Variants in AGBL4 observed in about 807,000 individuals in gnomAD.
The protein encoded by AGBL4 is cytosolic carboxypeptidase 6.
AGBL4 carries 58 observed loss-of-function variants against 66.4 expected under a neutral mutation model. That is an observed-to-expected ratio of 0.87 (90% CI 0.71 to 1.09). AGBL4 has a LOEUF of 1.09. Ranked by LOEUF, AGBL4 falls within the 50% of genes least tolerant of loss-of-function variation. The pLI, the probability that AGBL4 is intolerant of heterozygous loss-of-function variation, is 0.00. For synonymous variants in AGBL4, 234 were observed against 222.9 expected (o/e 1.05, Z -0.44); for missense variants, 579 against 631.0 (o/e 0.92, Z 0.88).
At chr1:48,817,705 C>T (rs1006101843) in intron 6 of AGBL4, 5 of 255,548 alleles carry the variant, frequency 2.0e-5, no homozygotes, top group East Asian at 8.8e-5. Flanking sequence ...TCTTTGCTGC[C>T]CCCACCTGTC....
At chr1:49,006,506 G>A (rs1433125012) in intron 5 of AGBL4, among the ~76,000 whole-genome samples, 1 of 152,210 alleles carries the variant, frequency 6.6e-6, no homozygotes, top group Non-Finnish European at 1.5e-5. Context: ...GGGGAAGCTC[G>A]AACTGGGTGG....
chr1:48,687,761 G>A (rs1488346382), intron 6 of AGBL4, among the ~76,000 whole-genome samples: 1 of 152,194 alleles, frequency 6.6e-6, no homozygotes, highest in Non-Finnish European at 1.5e-5. Context: ...TACACAGGGT[G>A]GTCTGTGGCA....
At chr1:49,465,664 A>G (rs2148705358) in intron 3 of AGBL4, among the ~76,000 whole-genome samples, 1 of 151,944 alleles carries the variant, frequency 6.6e-6, no homozygotes, top group Non-Finnish European at 1.5e-5. Flanking sequence ...AAGCATTCCT[A>G]AGAAGCACTT....
At chr1:49,541,416 C>T (rs1386833526) in intron 3 of AGBL4, among the ~76,000 whole-genome samples, 1 of 152,210 alleles carries the variant, frequency 6.6e-6, no homozygotes, top group East Asian at 1.9e-4. Context: ...TCAGCAGACC[C>T]TGCACTAGGA....
At chr1:48,606,348 T>A (rs1645153736) in intron 9 of AGBL4, among the ~76,000 whole-genome samples, 1 of 152,232 alleles carries the variant, frequency 6.6e-6, no homozygotes. Context: ...TACAGAGAAC[T>A]AAAATTCCTG....
intron 2 of AGBL4, among the ~76,000 whole-genome samples, chr1:49,769,274 G>C (rs1320066484): frequency 6.6e-6 from 1 of 151,836 alleles, no homozygotes. Context: ...ATTTAACCAA[G>C]ATGGTGAAAT....
intron 5 of AGBL4, among the ~76,000 whole-genome samples, chr1:48,986,494 A>G (rs1394242998): frequency 6.6e-6 from 1 of 152,094 alleles, no homozygotes; most frequent in Non-Finnish European, 1.5e-5. Flanking sequence ...AATGCAAGTG[A>G]GATGACAGAG....
At chr1:48,867,065 G>T in intron 6 of AGBL4, 126 bp downstream of exon 6, 2 of 1,067,486 alleles carry the variant, frequency 1.9e-6, no homozygotes, top group Non-Finnish European at 2.8e-6. Context: ...ATCATTCATG[G>T]TGCAAGAGTT....
At chr1:48,749,276 G>A (rs1311071540) in intron 6 of AGBL4, among the ~76,000 whole-genome samples, 1 of 152,096 alleles carries the variant, frequency 6.6e-6, no homozygotes, top group Non-Finnish European at 1.5e-5. Context: ...ACTGTCACGT[G>A]ATTGTTTGTT....
At chr1:49,181,434 G>A (rs1646929283) in intron 4 of AGBL4, among the ~76,000 whole-genome samples, 1 of 152,218 alleles carries the variant, frequency 6.6e-6, no homozygotes, top group African/African-American at 2.4e-5. Flanking sequence ...AGAGAATGGT[G>A]CATTCAGTCA....
chr1:49,195,137 T>C (rs1647203560), intron 4 of AGBL4, among the ~76,000 whole-genome samples: 1 of 152,186 alleles, frequency 6.6e-6, no homozygotes, highest in Admixed American at 6.5e-5. Flanking sequence ...CCACCACACT[T>C]GGCCTCTTTT....
At chr1:49,962,818 C>T (rs1657226918) in intron 1 of AGBL4, among the ~76,000 whole-genome samples, 1 of 151,978 alleles carries the variant, frequency 6.6e-6, no homozygotes, top group Non-Finnish European at 1.5e-5. Flanking sequence ...CTAAAGAGGA[C>T]CTATAAGATC....
chr1:48,807,535 A>T (rs945306289), intron 6 of AGBL4, among the ~76,000 whole-genome samples: 1 of 152,110 alleles, frequency 6.6e-6, no homozygotes, highest in Non-Finnish European at 1.5e-5. Context: ...TGAGAGGTGA[A>T]AGTTGGGGTG....
intron 6 of AGBL4, among the ~76,000 whole-genome samples, chr1:48,716,212 G>A (rs193217599): frequency 6.6e-6 from 1 of 152,280 alleles, no homozygotes; most frequent in East Asian, 1.9e-4. Flanking sequence ...GCACTGACTG[G>A]ATTACGAGGA....
intron 4 of AGBL4, among the ~76,000 whole-genome samples, chr1:49,047,286 G>A (rs1299639003): frequency 6.6e-6 from 1 of 152,140 alleles, no homozygotes; most frequent in African/African-American, 2.4e-5. Flanking sequence ...AGGTGGGTAA[G>A]AATCTGAAAG....
intron 3 of AGBL4, among the ~76,000 whole-genome samples, chr1:49,449,192 A>T (rs1286850907): frequency 2.0e-5 from 3 of 152,078 alleles, no homozygotes; most frequent in African/African-American, 7.2e-5. Flanking sequence ...GACTAAATTT[A>T]TACATGCAGT....
chr1:49,952,788 G>A (rs1014038536), intron 1 of AGBL4, among the ~76,000 whole-genome samples: 27 of 151,912 alleles, frequency 1.8e-4, no homozygotes, highest in African/African-American at 5.8e-4. Flanking sequence ...TGCAGATACA[G>A]GTGGGATGGT....
At chr1:48,967,047 GACACACACAC>G (rs538430009) in intron 5 of AGBL4, among the ~76,000 whole-genome samples, 1 of 125,122 alleles carries the variant, frequency 8.0e-6, no homozygotes, top group African/African-American at 2.9e-5. Context: ...CACACACACA[GACACACACAC>G]ACACATACAC....
At chr1:49,988,775 T>C (rs927563372) in intron 1 of AGBL4, among the ~76,000 whole-genome samples, 1 of 152,166 alleles carries the variant, frequency 6.6e-6, no homozygotes, top group African/African-American at 2.4e-5. Flanking sequence ...AATCCCAATG[T>C]AAATTCTCTG....
Sources: gnomAD v4.1 joint callset for allele counts (sites outside exome capture counted in the v4.1 genomes callset) on GRCh38, gnomAD v4.1.1 for gene constraint, MANE v1.5 for transcripts, NCBI Gene and HGNC (gene_info 2026-07-23, HGNC 2026-07-21) for gene names.